The following TAFA5 variants were observed in gnomAD, a reference collection of about 807,000 sequenced individuals.
TAFA5 encodes the protein TAFA chemokine like family member 5.
A neutral mutation model predicts 15.3 loss-of-function variants in TAFA5; 6 were observed. The ratio of observed to expected loss-of-function variants is 0.39; its 90% CI spans 0.21 to 0.77. The LOEUF (loss-of-function observed/expected upper bound fraction) is 0.77. TAFA5 is among the 30% of genes least tolerant of loss of function. The pLI, the probability that TAFA5 is intolerant of heterozygous loss-of-function variation, is 0.41. For missense variants in TAFA5, 161 were observed against 193.1 expected (o/e 0.83, Z 0.98); for synonymous variants, 103 against 80.7 (o/e 1.28, Z -1.48).
At chr22:48,582,778 C>T (rs1442421525) in intron 1 of TAFA5, among the ~76,000 whole-genome samples, 4 of 150,562 alleles carry the variant, frequency 2.7e-5, no homozygotes, top group East Asian at 2.0e-4. Flanking sequence ...ATACACCACA[C>T]ACACCACACA....
chr22:48,513,327 C>T (rs1006150951), intron 1 of TAFA5, among the ~76,000 whole-genome samples: 2 of 152,230 alleles, frequency 1.3e-5, no homozygotes, highest in African/African-American at 4.8e-5. Context: ...CGTTTTGTTA[C>T]AGGCCGTTTT....
At position 48,603,950 on chromosome 22, in the gene TAFA5, C is replaced by T. The variant is rs532881808; in HGVS notation, c.113-42647C>T. Among the ~76,000 whole-genome samples the T allele has an allele frequency of 7.2e-5, 11 of 152,240 alleles. No homozygotes were observed. The South Asian group carries it at 1.7e-3, about 23-fold the overall frequency. On this transcript the variant is annotated intron_variant, in intron 1 of 3. Transcript: ENST00000402357. ...ACCCCCTGGCCTGGAGGCATATTCC[C>T]CATTGCTGACTCTTATTATTTGGGG...
chr22:48,642,577 CG>C (rs1481859359), intron 1 of TAFA5, among the ~76,000 whole-genome samples: 3 of 152,156 alleles, frequency 2.0e-5, no homozygotes, highest in African/African-American at 4.8e-5. Flanking sequence ...GAGACCAGGC[CG>C]GCCTGGACCC....
chr22:48,575,066 C>G (rs1056421233), intron 1 of TAFA5, among the ~76,000 whole-genome samples: 2 of 152,140 alleles, frequency 1.3e-5, no homozygotes, highest in Non-Finnish European at 2.9e-5. Flanking sequence ...AGCCGCGGGA[C>G]CAGCCTCCTC....
chr22:48,732,746 A>G (rs911559905), intron 3 of TAFA5, among the ~76,000 whole-genome samples: 2 of 152,236 alleles, frequency 1.3e-5, no homozygotes, highest in African/African-American at 4.8e-5. Context: ...CGCATGCTAC[A>G]GAGAACTCTT....
At position 48,521,218 on chromosome 22, in the gene TAFA5, A is replaced by T. The variant is rs16999308; in HGVS notation, c.112+31514A>T. Reference sequence around the variant, plus strand: ...TTACCCAGCAGGACATTGCTTTTACAGGCTCATCTGGGCACTTTTAAAAAA... The same window carrying T: ...TTACCCAGCAGGACATTGCTTTTACTGGCTCATCTGGGCACTTTTAAAAAA... On this transcript the variant is annotated intron_variant, in intron 1 of 3. Transcript: ENST00000402357. Among the ~76,000 whole-genome samples, 7 of 152,204 alleles carry T rather than the reference A, an allele frequency of 4.6e-5. No individual in the cohort carries two copies. In the East Asian group the frequency reaches 1.2e-3, roughly 25 times the overall value.
At chr22:48,588,440 T>C (rs1018547362) in intron 1 of TAFA5, among the ~76,000 whole-genome samples, 5 of 151,954 alleles carry the variant, frequency 3.3e-5, no homozygotes, top group Non-Finnish European at 5.9e-5. Context: ...TGCTGAGGCA[T>C]TGGGGGAAGG....
Position 48,509,875 on chromosome 22 carries a change from C to T in TAFA5, c.112+20171C>T, listed in dbSNP as rs1239918191. Among the ~76,000 whole-genome samples, 10 of 150,474 alleles carry T rather than the reference C, an allele frequency of 6.6e-5. No individual in the cohort carries two copies. In the East Asian group the frequency reaches 9.8e-4, roughly 15 times the overall value. On this transcript the variant is annotated intron_variant, in intron 1 of 3. Transcript: ENST00000402357. Reference sequence around the variant, plus strand: ...CTGAGGCAGGAGAATGGCGTGAACCCGGGAGGCGGAGCTTGCAGTGAGCTG... The same window carrying T: ...CTGAGGCAGGAGAATGGCGTGAACCTGGGAGGCGGAGCTTGCAGTGAGCTG...
rs74391124 is a variant in TAFA5, at chr22:48,594,645, T to C, written c.113-51952T>C. Among the ~76,000 whole-genome samples the C allele has an allele frequency of 6.5e-3, 988 of 152,344 alleles. 80 individuals carry two copies. In the East Asian group the frequency reaches 0.16, roughly 25 times the overall value. ...TCTCTGCATCCTGCCTTTGAGCCTCTGCACAGCCCTCATCTGTGGGTGTCC... is the reference window on the plus strand; with the variant it reads ...TCTCTGCATCCTGCCTTTGAGCCTCCGCACAGCCCTCATCTGTGGGTGTCC... On this transcript the variant is annotated intron_variant, in intron 1 of 3. Transcript: ENST00000402357.
chr22:48,644,699 A>T (rs1019271508), intron 1 of TAFA5, among the ~76,000 whole-genome samples: 12 of 152,154 alleles, frequency 7.9e-5, no homozygotes, highest in African/African-American at 2.9e-4. Context: ...GTGCCAGAGG[A>T]GGGGCCGTCT....
intron 1 of TAFA5, among the ~76,000 whole-genome samples, chr22:48,516,741 A>G (rs1238517013): frequency 6.6e-6 from 1 of 152,180 alleles, no homozygotes. Flanking sequence ...CACCGCCACG[A>G]AGGCAAGTGC....
intron 3 of TAFA5, among the ~76,000 whole-genome samples, chr22:48,721,976 GA>G (rs130177): frequency 0.47 from 70,335 of 150,164 alleles, 17,150 homozygotes; most frequent in African/African-American, 0.53. Context: ...AACTCTGTCT[GA>G]AAAAAAAAAA....
chr22:48,628,984 A>G (rs959686193), intron 1 of TAFA5, among the ~76,000 whole-genome samples: 1 of 152,126 alleles, frequency 6.6e-6, no homozygotes, highest in Non-Finnish European at 1.5e-5. Flanking sequence ...AGACCTGAGT[A>G]AAGAGGAGAG....
At chr22:48,637,333 CATGTGCCCAT>C in intron 1 of TAFA5, among the ~76,000 whole-genome samples, 1 of 149,000 alleles carries the variant, frequency 6.7e-6, no homozygotes, top group African/African-American at 2.5e-5. Flanking sequence ...CATGTGCACA[CATGTGCCCAT>C]GGCAGGAAGC....
At chr22:48,704,498 A>G (rs1021271417) in intron 2 of TAFA5, among the ~76,000 whole-genome samples, 11 of 152,234 alleles carry the variant, frequency 7.2e-5, no homozygotes, top group Admixed American at 1.3e-4. Context: ...TCATGGCGCC[A>G]TCCCCTCTCT....
chr22:48,718,013 T>G (rs1188508611), intron 3 of TAFA5, among the ~76,000 whole-genome samples: 1 of 152,130 alleles, frequency 6.6e-6, no homozygotes, highest in Non-Finnish European at 1.5e-5. Flanking sequence ...GGGAGTGAGA[T>G]AGAGCTGCCT....
intron 1 of TAFA5, among the ~76,000 whole-genome samples, chr22:48,613,548 G>C (rs1457333464): frequency 6.6e-6 from 1 of 152,172 alleles, no homozygotes; most frequent in East Asian, 1.9e-4. Context: ...ACGGACTCCT[G>C]GCCCTGTGGT....
intron 1 of TAFA5, among the ~76,000 whole-genome samples, chr22:48,505,301 C>T (rs753366161): frequency 6.6e-5 from 10 of 152,158 alleles, no homozygotes; most frequent in African/African-American, 2.2e-4. Flanking sequence ...GGTATTGAAC[C>T]GGGGGCGTCT....
intron 1 of TAFA5, 101 bp from the exon 2 acceptor site, chr22:48,646,496 C>T: frequency 1.4e-6 from 2 of 1,451,820 alleles, no homozygotes; most frequent in Non-Finnish European, 1.9e-6. Flanking sequence ...GCCCTGTGGC[C>T]TGGCTGCTGG....
Sources: allele counts gnomAD v4.1 joint callset (sites outside exome capture counted in the v4.1 genomes callset), GRCh38; gene constraint gnomAD v4.1.1; transcripts MANE v1.5; gene names NCBI Gene and HGNC (gene_info 2026-07-23, HGNC 2026-07-21).